LLGL2: variants seen among roughly 807,000 people sequenced by gnomAD.
The protein encoded by LLGL2 is LLGL2, scribble cell polarity complex component.
In LLGL2, 81 loss-of-function variants were observed where a neutral mutation model predicts 123.2. The ratio of observed to expected loss-of-function variants is 0.66; its 90% CI spans 0.55 to 0.79. The LOEUF is 0.79. LLGL2 is among the 30% of genes least tolerant of loss of function. LLGL2 has a pLI of 0.00. For missense variants in LLGL2, 1,273 were observed against 1,414.6 expected (o/e 0.90, Z 1.61); for synonymous variants, 577 against 594.1 (o/e 0.97, Z 0.42).
chr17:75,569,025 T>G lies in LLGL2; in HGVS notation c.1370T>G (p.Leu457Arg). 6.2e-7 allele frequency: 1 copy of G among 1,612,982 alleles called. No homozygotes were observed. Among genetic ancestry groups the G allele is most frequent in the Non-Finnish European group, 8.5e-7 (1 of 1,179,698 alleles). Residue 457 changes from leucine (L) to arginine (R), a missense_variant, in exon 13 of 26, where the codon CTG (leucine) becomes CGG (arginine). Coordinates refer to ENST00000392550, the MANE Select transcript of LLGL2 (RefSeq NM_001031803.2). ...TTCTGGGATGCCTCGGGTGTCTGCCTGCGGCTGCTCTACAAACTCAGCACT... is the reference window on the plus strand; with the variant it reads ...TTCTGGGATGCCTCGGGTGTCTGCCGGCGGCTGCTCTACAAACTCAGCACT... ...VRFWDASGVCLRLLYKLSTVR... is the reference protein window; with the variant it reads ...VRFWDASGVCRRLLYKLSTVR...
intron 16 of LLGL2, among the ~76,000 whole-genome samples, chr17:75,570,735 G>A (rs1001097265): frequency 6.6e-6 from 1 of 152,248 alleles, no homozygotes; most frequent in Non-Finnish European, 1.5e-5. Flanking sequence ...GTAAACGTTA[G>A]TGATTTCCTT....
chr17:75,573,708 G>C, intron 21 of LLGL2, 77 bp downstream of exon 21: 1 of 1,216,456 alleles, frequency 8.2e-7, no homozygotes, highest in Non-Finnish European at 1.1e-6. Flanking sequence ...GGCTCCCACT[G>C]CTGCCTGGCT....
chr17:75,554,690 C>G (rs537583299), intron 2 of LLGL2, among the ~76,000 whole-genome samples: 1 of 150,908 alleles, frequency 6.6e-6, no homozygotes, highest in Non-Finnish European at 1.5e-5. Context: ...CGGATCGAGA[C>G]CATCCTGGCT....
At chr17:75,570,575 C>T in intron 16 of LLGL2, 77 bp downstream of exon 16, 4 of 1,482,656 alleles carry the variant, frequency 2.7e-6, no homozygotes, top group Non-Finnish European at 3.6e-6. Flanking sequence ...GGCCACACGG[C>T]CCCTGCTCCC....
At chr17:75,569,884 G>A in intron 14 of LLGL2, 79 bp from the exon 15 acceptor site, 2 of 1,454,580 alleles carry the variant, frequency 1.4e-6, no homozygotes, top group Non-Finnish European at 1.8e-6. Flanking sequence ...CAGCTCCTTT[G>A]CTGTCCCCAC....
chr17:75,528,563 A>G (rs1465855541), intron 1 of LLGL2, among the ~76,000 whole-genome samples: 1 of 152,130 alleles, frequency 6.6e-6, no homozygotes, highest in Admixed American at 6.5e-5. Flanking sequence ...ACATGGAGAT[A>G]CCCTGTCTCT....
At chr17:75,554,189 C>T (rs2054799750) in intron 2 of LLGL2, among the ~76,000 whole-genome samples, 1 of 151,706 alleles carries the variant, frequency 6.6e-6, no homozygotes, top group South Asian at 2.1e-4. Context: ...GTAATCCTAG[C>T]TCCTGGGGAG....
chr17:75,566,246 A>G (rs2055437783), intron 10 of LLGL2, among the ~76,000 whole-genome samples: 1 of 152,056 alleles, frequency 6.6e-6, no homozygotes, highest in Non-Finnish European at 1.5e-5. Context: ...CACGGTAAGG[A>G]CTTGGGGTTT....
At chr17:75,570,629 T>C in intron 16 of LLGL2, 131 bp downstream of exon 16, 1 of 1,144,080 alleles carries the variant, frequency 8.7e-7, no homozygotes, top group Non-Finnish European at 1.2e-6. Flanking sequence ...CCAGGTCGCA[T>C]TGTGTGACCT....
rs138338777 is a variant in LLGL2 at position 75,571,079 on chromosome 17, G to A, written c.2155G>A (p.Ala719Thr). The part of the protein sequence containing the change: ...FTGFVRTLYF[A>T]DTYLKDSSRH... ...AGGCTTCGTCCGGACCCTGTACTTT[G>A]CTGACACCTACCTGAAGGACAGTGA... Residue 719 changes from alanine to threonine, a missense_variant, in exon 17 of 26, where the codon GCT becomes ACT. Transcript: ENST00000392550. 3.5e-5 allele frequency: 56 copies of A among 1,612,252 alleles called. No individual in the cohort carries two copies. In the African/African-American group the frequency reaches 6.9e-4, roughly 20 times the overall value.
rs9908730 is a variant in LLGL2 at position 75,549,847 on chromosome 17, G to A, written c.76-6199G>A. 2.0e-5 allele frequency among the ~76,000 whole-genome samples: 3 copies of A among 152,106 alleles called. No individual in the cohort carries two copies. Among genetic ancestry groups the A allele is most frequent in the African/African-American group, 7.2e-5 (3 of 41,426 alleles). On this transcript the variant is annotated intron_variant, in intron 2 of 25. Transcript: ENST00000392550. This position sits in a 1 kb window ranked among gnomAD's most constrained non-coding sequence, Gnocchi z 4.0. ...TCTGACAGCCAGCCTTTGCCCACTCGCTCCCCTTCCGGGACCTGGAAAGGA... is the reference window on the plus strand; with the variant it reads ...TCTGACAGCCAGCCTTTGCCCACTCACTCCCCTTCCGGGACCTGGAAAGGA...
intron 19 of LLGL2, 67 bp downstream of exon 19, chr17:75,572,131 G>A (rs370101388): frequency 6.7e-7 from 1 of 1,486,240 alleles, no homozygotes; most frequent in Non-Finnish European, 9.2e-7. Context: ...CGGACCTTGG[G>A]CAAAAATGAT....
At position 75,544,635 on chromosome 17, in the gene LLGL2, T is replaced by C. The variant is rs551978951; in HGVS notation, c.75+1134T>C. Among the ~76,000 whole-genome samples the C allele has an allele frequency of 4.6e-4, 70 of 152,294 alleles. No homozygotes were observed. The highest frequency in any genetic ancestry group is 1.5e-3 in the African/African-American group (61 of 41,566). The stretch of plus-strand genomic sequence containing the variant: ...GCTAGGCACAGTGGCCCAGGAATGC[T>C]GGCTGCTGCTGTGGGCTGGAGGGGA... On this transcript the variant is annotated intron_variant, in intron 2 of 25. Transcript: ENST00000392550. The surrounding 1 kb of genome is among the most constrained non-coding windows in gnomAD (Gnocchi z 4.2).
At position 75,564,630 on chromosome 17, in the gene LLGL2, A is replaced by G; in HGVS notation, c.1036+123A>G. ...GTAACCCCAGTGCTGTGGGAGGCCA[A>G]GGTGGTAGGATCGCTTGAACCCAGG... is the stretch of plus-strand genomic sequence containing the variant. On this transcript the variant is annotated intron_variant, in intron 10 of 25. Transcript: ENST00000392550. This position sits in a 1 kb window ranked among gnomAD's most constrained non-coding sequence, Gnocchi z 4.9. 3 of 1,492,244 alleles carry G rather than the reference A, an allele frequency of 2.0e-6. No homozygotes were observed. The highest frequency in any genetic ancestry group is 2.7e-6 in the Non-Finnish European group (3 of 1,105,380). 92.4% of individuals were successfully genotyped at this position (1,492,244 alleles called of 1,614,324 possible).
intron 10 of LLGL2, among the ~76,000 whole-genome samples, chr17:75,566,512 G>T (rs1025961702): frequency 6.6e-6 from 1 of 152,200 alleles, no homozygotes; most frequent in African/African-American, 2.4e-5. Flanking sequence ...TGCTATAAAG[G>T]GCTGGGTGGC....
At chr17:75,536,353 G>T (rs1792532837) in intron 1 of LLGL2, among the ~76,000 whole-genome samples, 1 of 152,172 alleles carries the variant, frequency 6.6e-6, no homozygotes, top group East Asian at 1.9e-4. Context: ...CTGAGAGTTT[G>T]CCAAGCCCGC....
In LLGL2 at chr17:75,564,528, G is replaced by A; in HGVS notation, c.1036+21G>A. 6.2e-7 allele frequency: 1 copy of A among 1,612,808 alleles called. No individual in the cohort carries two copies. Among genetic ancestry groups the A allele is most frequent in the Non-Finnish European group, 8.5e-7 (1 of 1,179,786 alleles). On this transcript the variant is annotated intron_variant, in intron 10 of 25. Transcript: ENST00000392550. This position sits in a 1 kb window ranked among gnomAD's most constrained non-coding sequence, Gnocchi z 4.9. The stretch of plus-strand genomic sequence containing the variant: ...AGCCAGTAGGAGAGCTTCGGGAGTG[G>A]GTGCCCAGGGTTAGGTGTGGGAGGC...
rs2055798408 is a variant in LLGL2 at position 75,573,075 on chromosome 17, C to T, written c.2522C>T (p.Ser841Leu). Residue 841 changes from serine (S) to leucine (L), a missense_variant, in exon 20 of 26, where the codon TCA becomes TTA. Transcript: ENST00000392550. Reference sequence around the variant, plus strand: ...TTGAAGCTGACGGCCCTGGAGGGCTCAAGAGTGCGGCGGGTCAGCGTGGCC... The same window carrying T: ...TTGAAGCTGACGGCCCTGGAGGGCTTAAGAGTGCGGCGGGTCAGCGTGGCC... ...LKLKLTALEG[S>L]RVRRVSVAHF... is the part of the protein sequence containing the mutation. The T allele has an allele frequency of 1.2e-6, 2 of 1,613,066 alleles. No homozygotes were observed. Among genetic ancestry groups the T allele is most frequent in the South Asian group, 1.1e-5 (1 of 91,078 alleles).
At chr17:75,567,428 C>A (rs2055489314) in intron 10 of LLGL2, among the ~76,000 whole-genome samples, 1 of 151,886 alleles carries the variant, frequency 6.6e-6, no homozygotes. Context: ...CATGCCATTG[C>A]ACTCCAGCCT....
Sources: allele counts gnomAD v4.1 joint callset (sites outside exome capture counted in the v4.1 genomes callset), GRCh38; gene constraint gnomAD v4.1.1; non-coding constraint Gnocchi (gnomAD v3.1); transcripts MANE v1.5; gene names NCBI Gene and HGNC (gene_info 2026-07-23, HGNC 2026-07-21).